The following CEMIP variants were observed in gnomAD, a reference collection of about 807,000 sequenced individuals.
CEMIP encodes the protein cell migration inducing hyaluronidase 1, also known as cell migration-inducing and hyaluronan-binding protein.
A neutral mutation model predicts 156.9 loss-of-function variants in CEMIP; 105 were observed. That is an observed-to-expected ratio of 0.67 (90% CI 0.57 to 0.79). The LOEUF (loss-of-function observed/expected upper bound fraction) is 0.79. Among genes scored for constraint, CEMIP ranks in the 30% least tolerant of loss-of-function variants. The probability of loss-of-function intolerance (pLI) is 0.00; values close to 1 mark genes in which losing one functional copy is unlikely to be tolerated. For synonymous variants in CEMIP, 676 were observed against 668.4 expected (o/e 1.01, Z -0.17); for missense variants, 1,457 against 1,769.4 (o/e 0.82, Z 3.17).
At chr15:80,821,603 C>G (rs1406817104) in intron 1 of CEMIP, among the ~76,000 whole-genome samples, 1 of 152,184 alleles carries the variant, frequency 6.6e-6, no homozygotes, top group African/African-American at 2.4e-5. Context: ...TCCAAGAAGA[C>G]AGGCTGAAGG....
In CEMIP at chr15:80,813,048, A is replaced by T. The variant is rs1340577596; in HGVS notation, c.-176+33434A>T. ...TTGCCATGTTTTCCCTTTACAATGC[A>T]TGATTAATTTTAATTTTTCTAATGC... On this transcript the variant is annotated intron_variant, in intron 1 of 29. Transcript: ENST00000394685. 3.3e-5 allele frequency among the ~76,000 whole-genome samples: 5 copies of T among 152,212 alleles called. No homozygotes were observed. The South Asian group carries it at 8.3e-4, about 25-fold the overall frequency.
At chr15:80,867,669 G>T (rs950433927) in intron 1 of CEMIP, among the ~76,000 whole-genome samples, 3 of 152,230 alleles carry the variant, frequency 2.0e-5, no homozygotes, top group African/African-American at 7.2e-5. Flanking sequence ...AGGGAGCTCA[G>T]GGCTGCTGGA....
Position 80,785,949 on chromosome 15 carries a change from T to G in CEMIP, c.-176+6335T>G, listed in dbSNP as rs78052725. 1.5e-3 allele frequency among the ~76,000 whole-genome samples: 234 copies of G among 152,336 alleles called. 7 individuals are homozygous for G. The East Asian group carries it at 0.041, about 27-fold the overall frequency. On this transcript the variant is annotated intron_variant, in intron 1 of 29. Coordinates refer to ENST00000394685, the MANE Select transcript of CEMIP (RefSeq NM_001293298.2). ...GAGCAGCTGTTAGGCCTCTTTCCTTTAGGAGACCTTTAGTCTTCTAGACTA... is the reference window on the plus strand; with the variant it reads ...GAGCAGCTGTTAGGCCTCTTTCCTTGAGGAGACCTTTAGTCTTCTAGACTA...
chr15:80,838,374 ATGTT>A (rs956419160), intron 1 of CEMIP, among the ~76,000 whole-genome samples: 5 of 151,918 alleles, frequency 3.3e-5, no homozygotes, highest in African/African-American at 9.7e-5. Flanking sequence ...CCGTTTTCAA[ATGTT>A]TGTTTGGGTT....
intron 1 of CEMIP, among the ~76,000 whole-genome samples, chr15:80,841,764 G>GC (rs1323225857): frequency 6.6e-6 from 1 of 152,196 alleles, no homozygotes; most frequent in Non-Finnish European, 1.5e-5. Flanking sequence ...AGAGCAGTTG[G>GC]CCGTATTGCT....
intron 1 of CEMIP, among the ~76,000 whole-genome samples, chr15:80,853,021 G>T (rs991309295): frequency 6.6e-6 from 1 of 152,196 alleles, no homozygotes; most frequent in Non-Finnish European, 1.5e-5. Context: ...TCAGGAGAAT[G>T]ACTTCCTCTG....
chr15:80,832,322 C>CTCTGTGTGTGTGTGTG (rs1555429057), intron 1 of CEMIP, among the ~76,000 whole-genome samples: 1,612 of 128,102 alleles, frequency 0.013, 25 homozygotes, highest in South Asian at 0.023. Context: ...AAAATAAACT[C>CTCTGTGTGTGTGTGTG]TGTGTGTGTG....
At chr15:80,895,478 G>A (rs1383551991) in intron 11 of CEMIP, among the ~76,000 whole-genome samples, 3 of 152,084 alleles carry the variant, frequency 2.0e-5, no homozygotes, top group East Asian at 1.9e-4. Flanking sequence ...GGTTGTTCTC[G>A]GAGGCACTTG....
At chr15:80,922,459 T>C (rs1209414749) in intron 17 of CEMIP, among the ~76,000 whole-genome samples, 1 of 152,132 alleles carries the variant, frequency 6.6e-6, no homozygotes, top group African/African-American at 2.4e-5. Flanking sequence ...CTGAATTTGG[T>C]TTGCAATTCA....
chr15:80,933,265 C>T lies in CEMIP; in HGVS notation c.2814C>T (p.Phe938=), dbSNP rs749926140. The T allele has an allele frequency of 2.0e-5, 32 of 1,614,042 alleles. No homozygotes were observed. The East Asian group carries it at 2.4e-4, about 12-fold the overall frequency. Residue 938 remains phenylalanine, a synonymous_variant, in exon 23 of 30, where the codon TTC becomes TTT. Coordinates refer to ENST00000394685, the MANE Select transcript of CEMIP (RefSeq NM_001293298.2). ...EDVPITSRVF[F]GEPGPWFNQL... ...TTTAGATTACTTCCAGAGTGTTCTT[C>T]GGAGAGCCTGGGCCCTGGTTCAACC...
rs1044638667 is a variant in CEMIP at position 80,881,736 on chromosome 15, T to C, written c.617+600T>C. On this transcript the variant is annotated intron_variant, in intron 6 of 29. Transcript: ENST00000394685. ...TGGGATGCAAAGTCACTGAAAGTCT[T>C]TAAGAAGAGCATGATCTGATTTAAA... Among the ~76,000 whole-genome samples, 5 of 152,154 alleles carry C rather than the reference T, an allele frequency of 3.3e-5. No individual in the cohort carries two copies. The East Asian group carries it at 9.6e-4, about 29-fold the overall frequency.
chr15:80,941,592 C>T (rs771476614), intron 25 of CEMIP, among the ~76,000 whole-genome samples: 6 of 152,146 alleles, frequency 3.9e-5, no homozygotes, highest in African/African-American at 7.2e-5. Flanking sequence ...TGAGATATGT[C>T]GATTTACGAT....
Position 80,886,451 on chromosome 15 carries a change from A to G in CEMIP, c.798-1243A>G, listed in dbSNP as rs569010215. On this transcript the variant is annotated intron_variant, in intron 7 of 29. Coordinates refer to ENST00000394685, the MANE Select transcript of CEMIP (RefSeq NM_001293298.2). ...CCCAACCTCAGTTAAACACCGTTCAATAGTGATTCATTTTCCAAGACAAGA... is the reference window on the plus strand; with the variant it reads ...CCCAACCTCAGTTAAACACCGTTCAGTAGTGATTCATTTTCCAAGACAAGA... Among the ~76,000 whole-genome samples the G allele has an allele frequency of 5.9e-5, 9 of 152,344 alleles. No individual in the cohort carries two copies. The East Asian group carries it at 1.2e-3, about 20-fold the overall frequency.
chr15:80,827,660 C>T (rs929318139), intron 1 of CEMIP, among the ~76,000 whole-genome samples: 2 of 152,140 alleles, frequency 1.3e-5, no homozygotes, highest in Non-Finnish European at 2.9e-5. Context: ...CCAGGAAAAT[C>T]CATTGCAAAC....
chr15:80,938,052 C>A, intron 25 of CEMIP, 73 bp downstream of exon 25: 1 of 1,260,874 alleles, frequency 7.9e-7, no homozygotes, highest in Non-Finnish European at 1.1e-6. Context: ...TCCAATAAGT[C>A]TAAGAACAGC....
chr15:80,921,145 G>GCTGGAGTCAGGGAGACAGCCGAGGCTTAC, intron 16 of CEMIP, 44 bp downstream of exon 16: 1 of 1,565,674 alleles, frequency 6.4e-7, no homozygotes, highest in South Asian at 1.1e-5. Flanking sequence ...GAGGGTGGGG[G>GCTGGAGTCAGGGAGACAGCCGAGGCTTAC]CTGGAGTCAG....
At position 80,879,849 on chromosome 15, in the gene CEMIP, T is replaced by C. The variant is rs1898588031; in HGVS notation, c.375T>C (p.Tyr125=). Residue 125 remains tyrosine, a synonymous_variant, in exon 5 of 30, where the codon TAT becomes TAC. Transcript: ENST00000394685. ...AGGGCAATTTCACCATCATTTTGTA[T>C]GGAAGGTGCGTAGACCACTCCTACA... ...PFQGNFTIIL[Y]GRADEGIQPD... 9 of 1,614,140 alleles carry C rather than the reference T, an allele frequency of 5.6e-6. No individual in the cohort carries two copies. Among genetic ancestry groups the C allele is most frequent in the South Asian group, 5.5e-5 (5 of 91,076 alleles).
Position 80,932,129 on chromosome 15 carries a change from C to T in CEMIP, c.2793+90C>T. ...CTGGGTCCCAGAGTTTGAGCTATTG[C>T]CACCACCGCAGGGGTTGAGAAGCCT... On this transcript the variant is annotated intron_variant, in intron 22 of 29. Coordinates refer to ENST00000394685, the MANE Select transcript of CEMIP (RefSeq NM_001293298.2). This position sits in a 1 kb window ranked among gnomAD's most constrained non-coding sequence, Gnocchi z 4.5. 1.4e-6 allele frequency: 2 copies of T among 1,453,650 alleles called. No individual in the cohort carries two copies. The highest frequency in any genetic ancestry group is 1.1e-5 in the South Asian group (1 of 87,434). 90.0% of individuals were successfully genotyped at this position (1,453,650 alleles called of 1,614,324 possible). A position where few individuals can be genotyped will look rare whatever the true frequency, so the allele number is the denominator to read the frequency against.
At chr15:80,921,375 T>C (rs1197279304) in intron 16 of CEMIP, among the ~76,000 whole-genome samples, 1 of 152,198 alleles carries the variant, frequency 6.6e-6, no homozygotes, top group Non-Finnish European at 1.5e-5. Flanking sequence ...AATAAATCAT[T>C]AGAATGCCAT....
Sources: gnomAD v4.1 joint callset for allele counts (sites outside exome capture counted in the v4.1 genomes callset) on GRCh38, gnomAD v4.1.1 for gene constraint, Gnocchi (gnomAD v3.1) non-coding constraint, MANE v1.5 for transcripts, NCBI Gene and HGNC (gene_info 2026-07-23, HGNC 2026-07-21) for gene names.